The following SCUBE1 variants were observed in gnomAD, a reference collection of about 807,000 sequenced individuals.
SCUBE1 encodes the protein signal peptide, CUB and EGF-like domain-containing protein 1.
SCUBE1 carries 59 observed loss-of-function variants against 124.4 expected under a neutral mutation model. That is an observed-to-expected ratio of 0.47 (90% CI 0.38 to 0.59). The LOEUF (loss-of-function observed/expected upper bound fraction) is 0.59, where lower values mean the gene tolerates loss of function less well. Ranked by LOEUF, SCUBE1 falls within the 20% of genes least tolerant of loss-of-function variation. The probability of loss-of-function intolerance (pLI) is 0.00; values close to 1 mark genes in which losing one functional copy is unlikely to be tolerated. For synonymous variants in SCUBE1, 545 were observed against 550.9 expected, an observed-to-expected ratio of 0.99 and a Z score of 0.15; for missense variants, 1,150 against 1,371.2, an observed-to-expected ratio of 0.84 and a Z score of 2.55.
chr22:43,220,443 C>T lies in SCUBE1; in HGVS notation c.1687+7G>A. 6.2e-7 allele frequency: 1 copy of T among 1,613,062 alleles called. No individual in the cohort carries two copies. The highest frequency in any genetic ancestry group is 1.1e-5 in the South Asian group (1 of 90,990). On this transcript the variant is annotated splice_region_variant and intron_variant, in intron 14 of 21. Transcript: ENST00000360835. ...TGCAGAAGCCCCCAGGAGAACCCCT[C>T]ACCTACCTGAGGCCTCTTCCATCTT... is the stretch of plus-strand genomic sequence containing the variant.
At chr22:43,287,368 G>A (rs1321400141) in intron 4 of SCUBE1, among the ~76,000 whole-genome samples, 2 of 152,256 alleles carry the variant, frequency 1.3e-5, no homozygotes, top group East Asian at 3.8e-4. Flanking sequence ...GGGAAAATTC[G>A]ACAGCTAGGC....
rs562447941 is a variant in SCUBE1 at position 43,258,864 on chromosome 22, C to A, written c.611-529G>T. 5.1e-4 allele frequency among the ~76,000 whole-genome samples: 77 copies of A among 152,294 alleles called. No homozygotes were observed. Among genetic ancestry groups the A allele is most frequent in the African/African-American group, 1.8e-3 (74 of 41,558 alleles). ...AGGTCCCCCCTCAGAGTCCCAGGGGCCACCTCAAACTCTATCCCCTCAAAG... is the reference window on the plus strand; with the variant it reads ...AGGTCCCCCCTCAGAGTCCCAGGGGACACCTCAAACTCTATCCCCTCAAAG... On this transcript the variant is annotated intron_variant, in intron 5 of 21. Coordinates refer to ENST00000360835, the MANE Select transcript of SCUBE1 (RefSeq NM_173050.5). The surrounding 1 kb of genome is among the most constrained non-coding windows in gnomAD (Gnocchi z 5.0).
rs963003084 is a variant in SCUBE1, at chr22:43,201,373, A to G, written c.*2624T>C. Reference sequence around the variant, plus strand: ...AAAAACAAAACAAAAAAAACAAAACAAAAACATTTAAGTGTGATGGTTGAT... The same window carrying G: ...AAAAACAAAACAAAAAAAACAAAACGAAAACATTTAAGTGTGATGGTTGAT... On this transcript the variant is annotated 3_prime_UTR_variant, in exon 22 of 22. Coordinates refer to ENST00000360835, the MANE Select transcript of SCUBE1 (RefSeq NM_173050.5). 2.5e-4 allele frequency: 38 copies of G among 152,104 alleles called. No individual in the cohort carries two copies. Among genetic ancestry groups the G allele is most frequent in the African/African-American group, 8.7e-4 (36 of 41,502 alleles). 9.4% of individuals were successfully genotyped at this position (152,104 alleles called of 1,614,324 possible).
At chr22:43,341,129 C>T (rs1167817235) in intron 1 of SCUBE1, among the ~76,000 whole-genome samples, 1 of 140,486 alleles carries the variant, frequency 7.1e-6, no homozygotes, top group Non-Finnish European at 1.6e-5. Context: ...ACACACACGG[C>T]AGGTGGCATT....
chr22:43,219,912 T>G (rs1200657661), intron 14 of SCUBE1, among the ~76,000 whole-genome samples: 2 of 149,784 alleles, frequency 1.3e-5, no homozygotes, highest in East Asian at 3.9e-4. Flanking sequence ...TGGCTGAGAG[T>G]GTTACCTGGG....
At chr22:43,324,491 T>C (rs1926657903) in intron 2 of SCUBE1, among the ~76,000 whole-genome samples, 1 of 152,224 alleles carries the variant, frequency 6.6e-6, no homozygotes, top group Non-Finnish European at 1.5e-5. Flanking sequence ...ATGGAGGACA[T>C]TGGCTCCTAA....
Position 43,304,283 on chromosome 22 carries a change from C to T in SCUBE1, c.350-13103G>A, listed in dbSNP as rs577339097. ...TCTCCAGCGAACTTCTGTGATTAGT[C>T]ACATGTATTTGTTCACTCAGTCACT... On this transcript the variant is annotated intron_variant, in intron 3 of 21. Transcript: ENST00000360835. Among the ~76,000 whole-genome samples the T allele has an allele frequency of 3.9e-5, 6 of 152,328 alleles. No homozygotes were observed. In the South Asian group the frequency reaches 1.2e-3, roughly 32 times the overall value.
intron 4 of SCUBE1, among the ~76,000 whole-genome samples, chr22:43,286,004 C>T (rs753319441): frequency 6.6e-6 from 1 of 152,224 alleles, no homozygotes; most frequent in East Asian, 1.9e-4. Flanking sequence ...AATGAACAGG[C>T]TCCTGTGCAG....
At chr22:43,340,433 G>C (rs896547784) in intron 1 of SCUBE1, among the ~76,000 whole-genome samples, 1 of 151,460 alleles carries the variant, frequency 6.6e-6, no homozygotes, top group African/African-American at 2.4e-5. Flanking sequence ...AATAGATTCT[G>C]TGTATCCATT....
chr22:43,205,279 C>T (rs972705441), intron 21 of SCUBE1, among the ~76,000 whole-genome samples: 5 of 152,088 alleles, frequency 3.3e-5, no homozygotes, highest in South Asian at 2.1e-4. Flanking sequence ...GGCTGTCCTC[C>T]GGAGCAGTCT....
At chr22:43,250,683 G>A (rs1174688696) in intron 6 of SCUBE1, among the ~76,000 whole-genome samples, 1 of 152,178 alleles carries the variant, frequency 6.6e-6, no homozygotes, top group Non-Finnish European at 1.5e-5. Flanking sequence ...GTGGCTGTGA[G>A]GTTGAGGTAA....
chr22:43,280,731 T>G, intron 4 of SCUBE1, among the ~76,000 whole-genome samples: 1 of 72,526 alleles, frequency 1.4e-5, no homozygotes, highest in Admixed American at 1.8e-4. Context: ...TCCTGTCACC[T>G]TCCTCCTCGG....
At position 43,198,277 on chromosome 22, in the gene SCUBE1, C is replaced by T. The variant is rs1442740939; in HGVS notation, c.*5720G>A. ...GGTGCAGACAATTCCAGGGGGCTCA[C>T]TCAGGGGCTCTGAGTGGCATGGTGC... On this transcript the variant is annotated 3_prime_UTR_variant, in exon 22 of 22. Transcript: ENST00000360835. 1.6e-5 allele frequency: 5 copies of T among 310,194 alleles called. No individual in the cohort carries two copies. The highest frequency in any genetic ancestry group is 2.6e-5 in the Non-Finnish European group (4 of 155,810). The allele number at this position is 310,194 out of a possible 1,614,324, so 19.2% of individuals were successfully genotyped here. A position where few individuals can be genotyped will look rare whatever the true frequency, so the allele number is the denominator to read the frequency against.
chr22:43,324,056 C>A (rs1926643955), intron 2 of SCUBE1, among the ~76,000 whole-genome samples: 1 of 152,184 alleles, frequency 6.6e-6, no homozygotes, highest in African/African-American at 2.4e-5. Flanking sequence ...GTGGTAAGGT[C>A]TGAGAAACGT....
At position 43,223,144 on chromosome 22, in the gene SCUBE1, A is replaced by G; in HGVS notation, c.1280T>C (p.Val427Ala). The stretch of plus-strand genomic sequence containing the variant: ...CGGGCAGGAAAGGAAGCAGCTCTCC[A>G]CACCGCCTGCCTTGCTGCAGGACAG... ...AQLSCSKAGG[V>A]ESCFLSCPAH... The change falls in exon 11 of 22, where the codon GTG (valine) becomes GCG (alanine). Residue 427 changes from valine to alanine, a missense_variant. Physicochemically the swap from Val to Ala is moderately conservative, Grantham distance 64. Around this residue, in one of 3 missense-constraint regions of SCUBE1, gnomAD observed 757 missense variants for 840.9 expected, o/e 0.90. Coordinates refer to ENST00000360835, the MANE Select transcript of SCUBE1 (RefSeq NM_173050.5). 6.4e-7 allele frequency: 1 copy of G among 1,559,648 alleles called. No individual in the cohort carries two copies. The highest frequency in any genetic ancestry group is 1.2e-5 in the South Asian group (1 of 81,934).
Position 43,210,980 on chromosome 22 carries a change from G to T in SCUBE1, c.2325C>A (p.Thr775=). The stretch of plus-strand genomic sequence containing the variant: ...AGTCTGTGCTGGTGTTGCCCGGACA[G>T]GTGATGCAGTGGTTCTGGCCAAACT... ...QPEFGQNHCI[T]CPGNTSTDFD... is the part of the protein sequence containing the mutation. Residue 775 remains threonine, a synonymous_variant, in exon 18 of 22, where the codon ACC becomes ACA. Coordinates refer to ENST00000360835, the MANE Select transcript of SCUBE1 (RefSeq NM_173050.5). This position sits in a 1 kb window ranked among gnomAD's most constrained non-coding sequence, Gnocchi z 4.5. 1 of 1,614,178 alleles carries T rather than the reference G, an allele frequency of 6.2e-7. No homozygotes were observed. The highest frequency in any genetic ancestry group is 8.5e-7 in the Non-Finnish European group (1 of 1,180,036).
At chr22:43,269,799 C>T (rs893830393) in intron 4 of SCUBE1, among the ~76,000 whole-genome samples, 4 of 152,290 alleles carry the variant, frequency 2.6e-5, no homozygotes, top group East Asian at 3.9e-4. Context: ...AAAACAAACA[C>T]GAGCTCCCAC....
chr22:43,323,658 T>C (rs1926632043), intron 2 of SCUBE1, among the ~76,000 whole-genome samples: 2 of 152,034 alleles, frequency 1.3e-5, no homozygotes, highest in South Asian at 2.1e-4. Context: ...CTCATCTGTA[T>C]ATTCATTGAT....
chr22:43,228,978 A>AG (rs1922439602), intron 9 of SCUBE1, 94 bp downstream of exon 9: 2 of 884,558 alleles, frequency 2.3e-6, no homozygotes, highest in African/African-American at 1.7e-5. Flanking sequence ...CCCAGGGTTG[A>AG]GGGCAGGGTT....
Sources: allele counts gnomAD v4.1 joint callset (sites outside exome capture counted in the v4.1 genomes callset), GRCh38; gene constraint gnomAD v4.1.1; regional missense constraint gnomAD v4.1.1; non-coding constraint Gnocchi (gnomAD v3.1); transcripts MANE v1.5; gene names NCBI Gene and HGNC (gene_info 2026-07-23, HGNC 2026-07-21).